The following CSMD1 variants were observed in gnomAD, a reference collection of about 807,000 sequenced individuals.
CSMD1 encodes CUB and sushi domain-containing protein 1.
In CSMD1, 213 loss-of-function variants were observed where a neutral mutation model predicts 417.5. The observed-to-expected ratio is 0.51, with a 90% CI of 0.46 to 0.57. The LOEUF (loss-of-function observed/expected upper bound fraction) is 0.57. Among genes scored for constraint, CSMD1 ranks in the 20% least tolerant of loss-of-function variants. The probability of loss-of-function intolerance (pLI) is 0.00; values close to 1 mark genes in which losing one functional copy is unlikely to be tolerated. For missense variants in CSMD1, 6,923 were observed against 4,529.7 expected (o/e 1.53, Z -15.17); for synonymous variants, 2,862 against 1,736.8 (o/e 1.65, Z -16.11).
At chr8:3,998,350 G>A (rs769929868) in intron 4 of CSMD1, among the ~76,000 whole-genome samples, 5 of 152,142 alleles carry the variant, frequency 3.3e-5, no homozygotes, top group Non-Finnish European at 7.3e-5. Context: ...GGAAACGGTG[G>A]CTTTTCTGAA....
At chr8:4,936,142 C>G (rs67121641) in intron 1 of CSMD1, among the ~76,000 whole-genome samples, 40,672 of 152,138 alleles carry the variant, frequency 0.27, 6,651 homozygotes, top group East Asian at 0.41. Context: ...TCCACATAAT[C>G]TTTCTTGCTA....
intron 33 of CSMD1, among the ~76,000 whole-genome samples, chr8:3,196,529 C>G (rs768470664): frequency 2.0e-5 from 3 of 152,144 alleles, no homozygotes; most frequent in Non-Finnish European, 4.4e-5. Flanking sequence ...GTAACAAAAC[C>G]ATTACAGATA....
intron 1 of CSMD1, among the ~76,000 whole-genome samples, chr8:4,905,022 T>C (rs1043081481): frequency 6.6e-6 from 1 of 152,168 alleles, no homozygotes; most frequent in Non-Finnish European, 1.5e-5. Context: ...AGTGTGACAG[T>C]AGAAATTAAA....
chr8:4,389,821 C>T (rs1307292958), intron 3 of CSMD1, among the ~76,000 whole-genome samples: 2 of 152,102 alleles, frequency 1.3e-5, no homozygotes, highest in African/African-American at 4.8e-5. Flanking sequence ...ATTTAAAGTA[C>T]TCTAAAGCAT....
intron 2 of CSMD1, among the ~76,000 whole-genome samples, chr8:4,602,922 T>A (rs1369145547): frequency 6.6e-6 from 1 of 151,322 alleles, no homozygotes. Context: ...TAAAATAGAT[T>A]ATTATGTATG....
intron 6 of CSMD1, among the ~76,000 whole-genome samples, chr8:3,726,507 T>C (rs1186597078): frequency 1.3e-5 from 2 of 152,198 alleles, no homozygotes; most frequent in African/African-American, 4.8e-5. Context: ...AGAGGCCAAC[T>C]CTGAACACCT....
At chr8:3,666,126 C>A (rs370638168) in intron 7 of CSMD1, among the ~76,000 whole-genome samples, 1 of 152,172 alleles carries the variant, frequency 6.6e-6, no homozygotes, top group Non-Finnish European at 1.5e-5. Flanking sequence ...GAACTTCTGA[C>A]CTCAAGTGAT....
At chr8:3,803,892 T>C (rs769892296) in intron 5 of CSMD1, among the ~76,000 whole-genome samples, 2 of 152,070 alleles carry the variant, frequency 1.3e-5, no homozygotes, top group African/African-American at 4.8e-5. Flanking sequence ...TGAGTGACAA[T>C]AGCAGACAAG....
intron 36 of CSMD1, among the ~76,000 whole-genome samples, chr8:3,184,584 A>C (rs1260208180): frequency 6.6e-6 from 1 of 152,254 alleles, no homozygotes; most frequent in East Asian, 1.9e-4. Flanking sequence ...TGTTCTGCAC[A>C]CAAAATAACC....
chr8:3,971,362 T>A (rs902404660), intron 5 of CSMD1, among the ~76,000 whole-genome samples: 4 of 152,218 alleles, frequency 2.6e-5, no homozygotes, highest in African/African-American at 7.2e-5. Flanking sequence ...TGTAATGTTC[T>A]GAAAATATAA....
chr8:4,208,810 T>C (rs932967473), intron 3 of CSMD1, among the ~76,000 whole-genome samples: 9 of 152,228 alleles, frequency 5.9e-5, no homozygotes, highest in Admixed American at 1.3e-4. Context: ...AACTGTCCGG[T>C]TTTACAGTTG....
chr8:2,974,273 G>C (rs370619308), intron 56 of CSMD1, among the ~76,000 whole-genome samples, 178 bp downstream of exon 56: 2 of 152,228 alleles, frequency 1.3e-5, no homozygotes, highest in African/African-American at 4.8e-5. Context: ...CGATTATTGC[G>C]AAGATGAAGA....
chr8:4,933,247 G>A (rs982256429), intron 1 of CSMD1, among the ~76,000 whole-genome samples: 7 of 151,608 alleles, frequency 4.6e-5, no homozygotes, highest in Non-Finnish European at 4.4e-5. Context: ...TGATATGACG[G>A]CACTAGTAAA....
intron 49 of CSMD1, among the ~76,000 whole-genome samples, chr8:3,063,479 C>T (rs530701937): frequency 2.0e-5 from 3 of 152,274 alleles, no homozygotes; most frequent in Admixed American, 6.5e-5. Context: ...CCATATGATG[C>T]AGAAATTGCA....
intron 12 of CSMD1, among the ~76,000 whole-genome samples, chr8:3,438,822 T>G (rs1419335813): frequency 6.6e-6 from 1 of 152,000 alleles, no homozygotes; most frequent in African/African-American, 2.4e-5. Flanking sequence ...TTAGCTCTTA[T>G]AAGAAATTGC....
chr8:4,128,962 G>A (rs1027716388), intron 3 of CSMD1, among the ~76,000 whole-genome samples: 1 of 151,222 alleles, frequency 6.6e-6, no homozygotes, highest in Non-Finnish European at 1.5e-5. Flanking sequence ...TGTAGTCCCA[G>A]CTACTTGGGA....
intron 1 of CSMD1, among the ~76,000 whole-genome samples, chr8:4,842,556 C>T (rs942384137): frequency 3.3e-5 from 5 of 152,140 alleles, no homozygotes; most frequent in African/African-American, 9.7e-5. Flanking sequence ...AGGGTCACAA[C>T]GTAGGAGCCA....
At chr8:4,524,496 G>T (rs1229100230) in intron 2 of CSMD1, among the ~76,000 whole-genome samples, 2 of 151,744 alleles carry the variant, frequency 1.3e-5, no homozygotes, top group Non-Finnish European at 2.9e-5. Flanking sequence ...AAGCCCACGG[G>T]ATATGTGATG....
chr8:4,021,537 G>C (rs1015338779), intron 4 of CSMD1, among the ~76,000 whole-genome samples: 21 of 152,136 alleles, frequency 1.4e-4, no homozygotes, highest in African/African-American at 5.1e-4. Flanking sequence ...CTCCAGCAAG[G>C]ATCAGCTCCT....
Sources: allele counts gnomAD v4.1 joint callset (sites outside exome capture counted in the v4.1 genomes callset), GRCh38; gene constraint gnomAD v4.1.1; transcripts MANE v1.5; gene names NCBI Gene and HGNC (gene_info 2026-07-23, HGNC 2026-07-21).